GNL3L: variants seen among roughly 807,000 people sequenced by gnomAD.
The protein encoded by GNL3L is guanine nucleotide-binding protein-like 3-like protein.
In GNL3L, 4 loss-of-function variants were observed where a neutral mutation model predicts 42.9. That is an observed-to-expected ratio of 0.09 (90% CI 0.05 to 0.21). The LOEUF (loss-of-function observed/expected upper bound fraction) is 0.21. GNL3L is among the 10% of genes least tolerant of loss of function. GNL3L has a pLI of 1.00. For missense variants in GNL3L, 412 were observed against 481.7 expected (o/e 0.86, Z 1.36); for synonymous variants, 159 against 176.3 (o/e 0.90, Z 0.78).
At chrX:54,639,747 A>G in the GNL3L span, among the ~76,000 whole-genome samples, 1,317 of 112,061 alleles carry the variant, frequency 0.012, 5 homozygotes, top group Middle Eastern at 0.046. Context: ...GGGTGCGCCA[A>G]TTGTCCAGTG....
At chrX:54,556,760 T>C (rs1369245803) in intron 14 of GNL3L, among the ~76,000 whole-genome samples, 2 of 111,858 alleles carry the variant, frequency 1.8e-5, no homozygotes, top group Admixed American at 1.9e-4. Context: ...TCCCCATCAG[T>C]AGTATGTTGA....
chrX:54,613,356 T>C (rs1926184009), intron 16 of GNL3L, among the ~76,000 whole-genome samples: 3 of 111,896 alleles, frequency 2.7e-5, no homozygotes, highest in African/African-American at 9.7e-5. Flanking sequence ...GTTTTTGGAT[T>C]TCCTTGCATT....
At chrX:54,574,197 CCTTGA>C (rs1925602726) in intron 16 of GNL3L, among the ~76,000 whole-genome samples, 1 of 111,495 alleles carries the variant, frequency 9.0e-6, no homozygotes, top group Admixed American at 9.6e-5. Context: ...AAGCAGACAC[CCTTGA>C]CTTATTTCCA....
intron 16 of GNL3L, among the ~76,000 whole-genome samples, chrX:54,619,253 G>A (rs1926258521): frequency 9.0e-6 from 1 of 110,791 alleles, no homozygotes; most frequent in African/African-American, 3.3e-5. Flanking sequence ...TATTAAATAA[G>A]TAATGGTATA....
intron 16 of GNL3L, among the ~76,000 whole-genome samples, chrX:54,608,276 A>G (rs1211849075): frequency 3.6e-5 from 4 of 111,783 alleles, no homozygotes; most frequent in Non-Finnish European, 7.5e-5. Flanking sequence ...GCTTTTATAT[A>G]TGACACTTTA....
the GNL3L span, among the ~76,000 whole-genome samples, chrX:54,633,738 C>A: frequency 8.9e-6 from 1 of 111,890 alleles, no homozygotes; most frequent in South Asian, 3.7e-4. Context: ...CCAGCAAGGC[C>A]AGTCTCAGTC....
rs748708069 is a variant in GNL3L at position 54,565,100 on chromosome X, C to T, written c.*4498C>T. 3.6e-5 allele frequency among the ~76,000 whole-genome samples: 4 copies of T among 111,198 alleles called. No individual in the cohort carries two copies. The highest frequency in any genetic ancestry group is 3.8e-4 in the South Asian group (1 of 2,652). On this transcript the variant is annotated 3_prime_UTR_variant, in exon 16 of 16. Coordinates refer to ENST00000360845, the MANE Select transcript of GNL3L (RefSeq NM_001184819.2). ...TATATGGTATGTAGCATTTTGAGAG[C>T]GACTTCTTTTGCTATGAGTAATACA...
Position 54,579,986 on chromosome X carries a change from G to GTTTTTTTT in GNL3L, c.*45+19359_*45+19366dup, listed in dbSNP as rs869217575. ...AGCCACTGTGCCTGGCCTAAAGTTT[G>GTTTTTTTT]TTTTTTTTTTTTTTTTTTTTTTTTT... On this transcript the variant is annotated intron_variant, in intron 16 of 16. Coordinates refer to the GNL3L transcript ENST00000674498. Among the ~76,000 whole-genome samples, 286 of 47,601 alleles carry GTTTTTTTT rather than the reference G, an allele frequency of 6.0e-3. 17 individuals carry two copies. The highest frequency in any genetic ancestry group is 0.019 in the African/African-American group (193 of 10,204). The allele number at this position is 47,601 out of a possible 115,157, so 41.3% of individuals were successfully genotyped here.
At position 54,566,790 on chromosome X, in the gene GNL3L, T is replaced by G. The variant is rs1925440328; in HGVS notation, c.*6188T>G. 8.9e-6 allele frequency among the ~76,000 whole-genome samples: 1 copy of G among 111,899 alleles called. No homozygotes were observed. Among genetic ancestry groups the G allele is most frequent in the East Asian group, 2.8e-4 (1 of 3,567 alleles). ...ATGGGTATGGAGATCTCTCCCCTTA[T>G]TTTGAGACAGGATCTCACTGTCACC... On this transcript the variant is annotated 3_prime_UTR_variant, in exon 16 of 16. Coordinates refer to ENST00000360845, the MANE Select transcript of GNL3L (RefSeq NM_001184819.2).
At chrX:54,582,837 C>T (rs1372330863) in intron 16 of GNL3L, among the ~76,000 whole-genome samples, 1 of 112,358 alleles carries the variant, frequency 8.9e-6, no homozygotes, top group Non-Finnish European at 1.9e-5. Context: ...CCTGCCTTGG[C>T]CTCTCAAAGT....
rs1139884 is a variant in GNL3L, at chrX:54,566,874, A to G, written c.*6272A>G. The stretch of plus-strand genomic sequence containing the variant: ...CTGTAGCTTCGACCTCCTGGGCTCA[A>G]GCGAACCTCCCACCTCCGCCTCTTG... On this transcript the variant is annotated 3_prime_UTR_variant, in exon 16 of 16. Coordinates refer to ENST00000360845, the MANE Select transcript of GNL3L (RefSeq NM_001184819.2). Among the ~76,000 whole-genome samples the G allele has an allele frequency of 1.4e-4, 16 of 111,799 alleles. No homozygotes were observed. Among genetic ancestry groups the G allele is most frequent in the Non-Finnish European group, 3.0e-4 (16 of 53,135 alleles).
chrX:54,591,182 G>A (rs187709784), intron 16 of GNL3L, among the ~76,000 whole-genome samples: 48 of 111,209 alleles, frequency 4.3e-4, no homozygotes, highest in African/African-American at 1.5e-3. Context: ...TTTGTATATG[G>A]TGAGAGATTG....
chrX:54,587,912 C>T (rs1466887948), intron 16 of GNL3L, among the ~76,000 whole-genome samples: 2 of 111,644 alleles, frequency 1.8e-5, no homozygotes, highest in Non-Finnish European at 3.8e-5. Flanking sequence ...AACTCCTGAC[C>T]TCAGGTGATC....
chrX:54,634,663 A>C, the GNL3L span, among the ~76,000 whole-genome samples: 1 of 81,093 alleles, frequency 1.2e-5, no homozygotes, highest in African/African-American at 4.8e-5. Context: ...TTTTTTTTGT[A>C]TTTTTAGTAG....
intron 15 of GNL3L, among the ~76,000 whole-genome samples, chrX:54,558,906 C>T (rs1231769860): frequency 8.9e-6 from 1 of 111,899 alleles, no homozygotes; most frequent in African/African-American, 3.2e-5. Context: ...ATCCACTTGC[C>T]TCGGCCTTCC....
At chrX:54,638,993 C>G in the GNL3L span, among the ~76,000 whole-genome samples, 2 of 112,000 alleles carry the variant, frequency 1.8e-5, no homozygotes, top group Admixed American at 9.5e-5. Context: ...TGGGCCACAA[C>G]AATCTGTGTT....
chrX:54,634,118 G>A, the GNL3L span, among the ~76,000 whole-genome samples: 2 of 111,713 alleles, frequency 1.8e-5, no homozygotes, highest in African/African-American at 6.5e-5. Context: ...TATGCTGCTT[G>A]GAGTTCATAT....
chrX:54,532,409 C>T (rs1245152919), intron 1 of GNL3L, 111 bp from the exon 2 acceptor site: 19 of 484,361 alleles, frequency 3.9e-5, no homozygotes, highest in South Asian at 2.6e-4. Flanking sequence ...CTAATTATTA[C>T]GCCTTCCTCA....
At chrX:54,546,216 G>A (rs1212746268) in intron 8 of GNL3L, among the ~76,000 whole-genome samples, 1 of 112,452 alleles carries the variant, frequency 8.9e-6, no homozygotes. Flanking sequence ...TATATAAAGA[G>A]GGAATACTGT....
Sources: gnomAD v4.1 joint callset for allele counts (sites outside exome capture counted in the v4.1 genomes callset) on GRCh38, gnomAD v4.1.1 for gene constraint, MANE v1.5 for transcripts, NCBI Gene and HGNC (gene_info 2026-07-23, HGNC 2026-07-21) for gene names.